Variants in KAZN observed in about 807,000 individuals in gnomAD.
The protein encoded by KAZN is kazrin.
In KAZN, 40 loss-of-function variants were observed where a neutral mutation model predicts 87.4. The ratio of observed to expected loss-of-function variants is 0.46; its 90% CI spans 0.36 to 0.60. The LOEUF (loss-of-function observed/expected upper bound fraction) is 0.60. Among genes scored for constraint, KAZN ranks in the 20% least tolerant of loss-of-function variants. The pLI is 0.00. For missense variants in KAZN, 898 were observed against 1,073.9 expected, an observed-to-expected ratio of 0.84 and a Z score of 2.29; for synonymous variants, 466 against 458.3, an observed-to-expected ratio of 1.02 and a Z score of -0.22.
At chr1:14,598,194 G>T (rs369300691), upstream of KAZN, among the ~76,000 whole-genome samples, 6 of 152,278 alleles carry the variant, frequency 3.9e-5, no homozygotes, top group African/African-American at 1.4e-4. The surrounding 1 kb of genome is among the most constrained non-coding windows in gnomAD (Gnocchi z 4.2). Context: ...CTGCGGGTGG[G>T]GGGTGGAGAG....
At chr1:13,982,664 T>A (rs1198826405) in intron 1 of KAZN, among the ~76,000 whole-genome samples, 2 of 152,178 alleles carry the variant, frequency 1.3e-5, no homozygotes, top group African/African-American at 4.8e-5. Flanking sequence ...TTGGTGCGTT[T>A]ACAATCCCTG....
chr1:13,980,835 G>T (rs2101074979), intron 1 of KAZN, among the ~76,000 whole-genome samples: 1 of 152,018 alleles, frequency 6.6e-6, no homozygotes, highest in Non-Finnish European at 1.5e-5. Context: ...TGACTCAAAT[G>T]ATTGGCGGTT....
intron 2 of KAZN, among the ~76,000 whole-genome samples, chr1:14,592,264 G>T (rs1676246839): frequency 1.3e-5 from 2 of 152,178 alleles, no homozygotes; most frequent in African/African-American, 4.8e-5. Context: ...CTCTTGGAGG[G>T]GGATGAGGAG....
intron 2 of KAZN, among the ~76,000 whole-genome samples, chr1:14,466,734 C>T (rs917275347): frequency 2.6e-5 from 4 of 151,378 alleles, no homozygotes; most frequent in East Asian, 1.9e-4. Context: ...TTCGGGAGGC[C>T]GAGGTGGGCA....
At chr1:14,076,606 C>G (rs1221030505) in intron 1 of KAZN, among the ~76,000 whole-genome samples, 3 of 152,250 alleles carry the variant, frequency 2.0e-5, no homozygotes, top group Non-Finnish European at 2.9e-5. Flanking sequence ...TGTGACAACC[C>G]AAAATGCTTC....
intron 2 of KAZN, among the ~76,000 whole-genome samples, chr1:14,253,155 G>A (rs1045402760): frequency 1.3e-5 from 2 of 151,040 alleles, no homozygotes; most frequent in Middle Eastern, 3.5e-3. Context: ...CCCGGTTACC[G>A]GGGTAGAGTT....
At chr1:14,566,844 G>T (rs1277639661) in intron 2 of KAZN, among the ~76,000 whole-genome samples, 1 of 152,174 alleles carries the variant, frequency 6.6e-6, no homozygotes, top group Non-Finnish European at 1.5e-5. Context: ...AAAAGACTCA[G>T]GGTCTTGCTC....
intron 2 of KAZN, among the ~76,000 whole-genome samples, chr1:14,250,375 A>T (rs1475347083): frequency 6.6e-6 from 1 of 151,650 alleles, no homozygotes; most frequent in Non-Finnish European, 1.5e-5. Context: ...CAACTTCGGG[A>T]TTCTAAGACA....
At chr1:14,472,070 C>G (rs1668485829) in intron 2 of KAZN, among the ~76,000 whole-genome samples, 1 of 152,206 alleles carries the variant, frequency 6.6e-6, no homozygotes, top group East Asian at 1.9e-4. Context: ...CAATAGATGG[C>G]ACTTTCTTGC....
intron 1 of KAZN, among the ~76,000 whole-genome samples, chr1:14,846,849 C>T (rs1033178101): frequency 7.2e-5 from 11 of 152,032 alleles, no homozygotes; most frequent in Admixed American, 1.3e-4. Flanking sequence ...GACTGTGGTT[C>T]AGAGAGGTTA....
chr1:14,050,130 G>A (rs1254057835), intron 1 of KAZN, among the ~76,000 whole-genome samples: 1 of 108,954 alleles, frequency 9.2e-6, no homozygotes, highest in African/African-American at 3.4e-5. Context: ...GCATGCATGT[G>A]CACATGTGTG....
intron 1 of KAZN, among the ~76,000 whole-genome samples, chr1:14,675,342 C>T (rs1002044506): frequency 1.3e-5 from 2 of 152,354 alleles, no homozygotes; most frequent in South Asian, 2.1e-4. Flanking sequence ...GGAGAGGGCC[C>T]GCAGGGCAAC....
At chr1:14,755,523 C>T (rs1355398813) in intron 1 of KAZN, among the ~76,000 whole-genome samples, 3 of 152,132 alleles carry the variant, frequency 2.0e-5, no homozygotes, top group Non-Finnish European at 4.4e-5. Context: ...TGGGAAGTTA[C>T]GATCTCCAGA....
chr1:14,345,906 A>G (rs1323591130), intron 2 of KAZN, among the ~76,000 whole-genome samples: 11 of 152,194 alleles, frequency 7.2e-5, no homozygotes, highest in Non-Finnish European at 1.5e-5. Context: ...GAGCAAAAAG[A>G]AGTTCTCTCA....
chr1:14,473,771 C>T (rs568146581), intron 2 of KAZN, among the ~76,000 whole-genome samples: 3 of 152,262 alleles, frequency 2.0e-5, no homozygotes, highest in South Asian at 2.1e-4. Context: ...CTACTAGCCT[C>T]GTTTCTACTC....
rs116343262 is a variant in KAZN at position 14,584,824 on chromosome 1, G to A, written c.250-14159G>A. Among the ~76,000 whole-genome samples, 1,400 of 152,168 alleles carry A rather than the reference G, an allele frequency of 9.2e-3. 26 individuals carry two copies. The highest frequency in any genetic ancestry group is 0.031 in the African/African-American group (1,295 of 41,522). ...CACGCCTGGCTAATTTTGTATTTTA[G>A]GTAGAGATGCGGTTTTCCACATTGG... On this transcript the variant is annotated intron_variant, in intron 2 of 16. Transcript: ENST00000636203.
intron 1 of KAZN, among the ~76,000 whole-genome samples, chr1:14,626,498 C>A (rs1427990220): frequency 6.6e-6 from 1 of 152,206 alleles, no homozygotes; most frequent in Non-Finnish European, 1.5e-5. Context: ...AGGTCAAGTG[C>A]CTTGCCCGGG....
At chr1:14,562,666 T>C (rs1272903569) in intron 2 of KAZN, among the ~76,000 whole-genome samples, 1 of 152,234 alleles carries the variant, frequency 6.6e-6, no homozygotes, top group African/African-American at 2.4e-5. Context: ...ATGGGTAGTT[T>C]CAACCTATTT....
At chr1:14,263,792 A>G (rs145339886) in intron 2 of KAZN, among the ~76,000 whole-genome samples, 96 of 152,384 alleles carry the variant, frequency 6.3e-4, no homozygotes, top group African/African-American at 2.3e-3. Flanking sequence ...CGCAGTGAAC[A>G]GAGCTCAAGT....
Sources: gnomAD v4.1 joint callset for allele counts (sites outside exome capture counted in the v4.1 genomes callset) on GRCh38, gnomAD v4.1.1 for gene constraint, Gnocchi (gnomAD v3.1) non-coding constraint, MANE v1.5 for transcripts, NCBI Gene and HGNC (gene_info 2026-07-23, HGNC 2026-07-21) for gene names.